MICAL1: variants seen among roughly 807,000 people sequenced by gnomAD.
MICAL1 encodes [F-actin]-monooxygenase MICAL1.
In MICAL1, 95 loss-of-function variants were observed where a neutral mutation model predicts 131.8. That is an observed-to-expected ratio of 0.72 (90% CI 0.61 to 0.86). The LOEUF (loss-of-function observed/expected upper bound fraction) is 0.86, where lower values mean the gene tolerates loss of function less well. MICAL1 is among the 40% of genes least tolerant of loss of function. The probability of loss-of-function intolerance (pLI) is 0.00; values close to 1 mark genes in which losing one functional copy is unlikely to be tolerated. For synonymous variants in MICAL1, 546 were observed against 554.2 expected (o/e 0.99, Z 0.21); for missense variants, 1,292 against 1,380.6 (o/e 0.94, Z 1.02).
At position 109,444,774 on chromosome 6, in the gene MICAL1, C is replaced by A. The variant is rs1775132492; in HGVS notation, c.3006G>T (p.Glu1002Asp). Residue 1002 changes from glutamate (E) to aspartate (D), a missense_variant, in exon 24 of 25, where the codon GAG becomes GAT. By Grantham distance (45) the Glu-to-Asp change is conservative. Transcript: ENST00000358807. ...MITVQELNLE[E>D]KQWQLDQELR... ...GCTCCTGGTCCAGCTGCCACTGTTT[C>A]TCCTCCAGATTCAATTCCTGCACCC... 1 of 1,614,044 alleles carries A rather than the reference C, an allele frequency of 6.2e-7. No individual in the cohort carries two copies. The highest frequency in any genetic ancestry group is 8.5e-7 in the Non-Finnish European group (1 of 1,180,040).
chr6:109,445,591 T>C, intron 20 of MICAL1, 62 bp from the exon 21 acceptor site: 5 of 1,592,416 alleles, frequency 3.1e-6, no homozygotes, highest in Non-Finnish European at 4.3e-6. Context: ...AGGAGTGTTG[T>C]TTGGAAAGGC....
chr6:109,451,458 G>T, intron 7 of MICAL1, 142 bp downstream of exon 7: 4 of 973,222 alleles, frequency 4.1e-6, no homozygotes, highest in South Asian at 1.7e-5. Flanking sequence ...CTGGCCAAGA[G>T]AACTTTTAGA....
chr6:109,446,365 A>G lies in MICAL1; in HGVS notation c.2352T>C (p.Thr784=). 6.2e-7 allele frequency: 1 copy of G among 1,612,488 alleles called. No homozygotes were observed. The change falls in exon 19 of 25, where the codon ACT becomes ACC. Residue 784 remains threonine, a synonymous_variant. Coordinates refer to ENST00000358807, the MANE Select transcript of MICAL1 (RefSeq NM_022765.4). ...SENSMPPGLS[T]PTASQEGAGP... is the part of the protein sequence containing the mutation. ...CGGCCCCCTCCTGCGAGGCTGTGGG[A>G]GTTGAGAGGCCTGGTGGCATGCTAT... is the stretch of plus-strand genomic sequence containing the variant.
In MICAL1 at chr6:109,444,284, C is replaced by G; in HGVS notation, c.3111G>C (p.Leu1037=). 2 of 1,613,586 alleles carry G rather than the reference C, an allele frequency of 1.2e-6. No homozygotes were observed. The highest frequency in any genetic ancestry group is 1.7e-6 in the Non-Finnish European group (2 of 1,180,020). The change falls in exon 25 of 25, where the codon CTG becomes CTC. Residue 1037 remains leucine (L), a synonymous_variant. Transcript: ENST00000358807. ...CATCTCTCTGGTTGACCAAATCCAC[C>G]AGCTTCCTCAGGACCTGGTCCTCAG... ...RQAEDQVLRK[L]VDLVNQRDAL...
chr6:109,445,637 G>T, intron 20 of MICAL1, 108 bp from the exon 21 acceptor site: 1 of 1,504,678 alleles, frequency 6.6e-7, no homozygotes, highest in Non-Finnish European at 9.1e-7. Context: ...GTAAGCTCTG[G>T]TAGAAAAGGT....
At position 109,451,556 on chromosome 6, in the gene MICAL1, C is replaced by G. The variant is rs112587986; in HGVS notation, c.933+44G>C. The G allele has an allele frequency of 1.2e-5, 19 of 1,609,404 alleles. No homozygotes were observed. The African/African-American group carries it at 1.2e-4, about 10-fold the overall frequency. Reference sequence around the variant, plus strand: ...ATGTCCAAGCCTAGCCTCTGCCTCCCGGGGCTCACCACCCAGCCTCTCCTG... The same window carrying G: ...ATGTCCAAGCCTAGCCTCTGCCTCCGGGGGCTCACCACCCAGCCTCTCCTG... On this transcript the variant is annotated intron_variant, in intron 7 of 24. Coordinates refer to ENST00000358807, the MANE Select transcript of MICAL1 (RefSeq NM_022765.4).
In MICAL1 at chr6:109,448,829, C is replaced by T; in HGVS notation, c.1567G>A (p.Ala523Thr). 1.2e-6 allele frequency: 2 copies of T among 1,614,056 alleles called. No individual in the cohort carries two copies. Among genetic ancestry groups the T allele is most frequent in the Middle Eastern group, 3.3e-4 (2 of 6,058 alleles). Residue 523 changes from alanine to threonine, a missense_variant, in exon 12 of 25, where the codon GCT (alanine) becomes ACT (threonine). Coordinates refer to ENST00000358807, the MANE Select transcript of MICAL1 (RefSeq NM_022765.4). ...ELLRWCQEQTAGYPGVHVSDL... is the reference protein window; with the variant it reads ...ELLRWCQEQTTGYPGVHVSDL... Reference sequence around the variant, plus strand: ...GAGACGTGGACTCCCGGGTACCCAGCTGTCTGCTCCTGGCACCAGCGTAGC... The same window carrying T: ...GAGACGTGGACTCCCGGGTACCCAGTTGTCTGCTCCTGGCACCAGCGTAGC...
At chr6:109,444,686 T>A in intron 24 of MICAL1, 39 bp downstream of exon 24, 1 of 1,608,328 alleles carries the variant, frequency 6.2e-7, no homozygotes, top group Non-Finnish European at 8.5e-7. Flanking sequence ...GCATGACACA[T>A]CCCTGGGATG....
At chr6:109,465,916 G>C (rs761490454) in exon 1 of MICAL1, 2 of 1,614,184 alleles carry the variant, frequency 1.2e-6, no homozygotes, top group African/African-American at 2.7e-5. Flanking sequence ...GGCGGACCAG[G>C]CTCCTGTGTC....
chr6:109,448,206 G>A lies in MICAL1; in HGVS notation c.1852C>T (p.Pro618Ser), dbSNP rs1468387172. 3 of 1,607,782 alleles carry A rather than the reference G, an allele frequency of 1.9e-6. No individual in the cohort carries two copies. In the African/African-American group the frequency reaches 4.1e-5, roughly 22 times the overall value. Residue 618 changes from proline (P) to serine (S), a missense_variant, in exon 13 of 25, where the codon CCA becomes TCA. Transcript: ENST00000358807. ...GCCCGCCTTTCCTTCAGGTCACCTG[G>A]GCTGTGGGCCATGCTCTTGAAGGCA... ...HSAFKSMAHS[P>S]GPVSQASPGT...
chr6:109,452,452 C>T (rs1775582844), intron 5 of MICAL1, 51 bp from the exon 6 acceptor site: 1 of 1,610,650 alleles, frequency 6.2e-7, no homozygotes, highest in African/African-American at 1.3e-5. Context: ...TTATAACAAT[C>T]TAGAAAGGCC....
At chr6:109,460,375 G>A (rs968352319), upstream of MICAL1, among the ~76,000 whole-genome samples, 1 of 147,982 alleles carries the variant, frequency 6.8e-6, no homozygotes, top group Admixed American at 6.8e-5. Flanking sequence ...GCTGTAGTGA[G>A]CCATGATCAT....
At position 109,447,340 on chromosome 6, in the gene MICAL1, C is replaced by T. The variant is rs1256308617; in HGVS notation, c.2070+17G>A. Reference sequence around the variant, plus strand: ...CCCTCCCCGGGCCTCTGCCTGCACACAAAGCCTGGCTCTCACCTCCTGGTG... The same window carrying T: ...CCCTCCCCGGGCCTCTGCCTGCACATAAAGCCTGGCTCTCACCTCCTGGTG... On this transcript the variant is annotated intron_variant, in intron 16 of 24. Transcript: ENST00000358807. 8.1e-6 allele frequency: 13 copies of T among 1,614,090 alleles called. No homozygotes were observed. The highest frequency in any genetic ancestry group is 1.1e-5 in the Non-Finnish European group (13 of 1,180,004).
In MICAL1 at chr6:109,449,708, GT is replaced by G. The variant is rs755420291; in HGVS notation, c.1382del (p.Asp461AlafsTer9). 6.3e-7 allele frequency: 1 copy of G among 1,595,702 alleles called. No homozygotes were observed. Among genetic ancestry groups the G allele is most frequent in the African/African-American group, 1.3e-5 (1 of 74,652 alleles). ...MHRNVAQYGL[D>X]PATRYPNLNL... is the part of the protein sequence containing the mutation. ...TCAGGTTGGGGTAGCGGGTGGCTGGGTCCAGCCCATACTGGGCCACATTGCG... is the reference window on the plus strand; with the variant it reads ...TCAGGTTGGGGTAGCGGGTGGCTGGGCCAGCCCATACTGGGCCACATTGCG... On this transcript the variant is annotated frameshift_variant, in exon 10 of 25. Coordinates refer to ENST00000358807, the MANE Select transcript of MICAL1 (RefSeq NM_022765.4). LOFTEE classifies it high-confidence loss of function.
intron 3 of MICAL1, 128 bp from the exon 4 acceptor site, chr6:109,453,495 T>C (rs1775621513): frequency 3.3e-6 from 5 of 1,498,934 alleles, no homozygotes; most frequent in Non-Finnish European, 4.5e-6. Flanking sequence ...AGCCCACTTA[T>C]AGATGGGGGA....
chr6:109,454,138 G>A lies in MICAL1; in HGVS notation c.59C>T (p.Ala20Val). Residue 20 changes from alanine to valine, a missense_variant, in exon 2 of 25, where the codon GCC becomes GTC. Ala to Val is a moderately conservative substitution (Grantham distance 64). Transcript: ENST00000358807. ...GCTCAGCACGTCCTGGCACAGCTGG[G>A]CCTGCAGGAAGCTCTCAAAGTGGGC... ...AHAHFESFLQ[A>V]QLCQDVLSSF... The A allele has an allele frequency of 6.2e-7, 1 of 1,613,042 alleles. No individual in the cohort carries two copies. The highest frequency in any genetic ancestry group is 8.5e-7 in the Non-Finnish European group (1 of 1,179,716).
chr6:109,444,624 A>G (rs1775124035), intron 24 of MICAL1, 101 bp downstream of exon 24: 3 of 1,392,400 alleles, frequency 2.2e-6, no homozygotes, highest in Non-Finnish European at 3.1e-6. Context: ...TCTCAGAGGT[A>G]CACAGACTAG....
chr6:109,445,058 A>G (rs1250911159), intron 22 of MICAL1, 63 bp from the exon 23 acceptor site: 1 of 1,590,318 alleles, frequency 6.3e-7, no homozygotes. Flanking sequence ...CAGGAGTTAC[A>G]GGCTTAGGGG....
At chr6:109,452,070 C>T (rs774404609) in intron 6 of MICAL1, 176 bp downstream of exon 6, 46 of 1,423,588 alleles carry the variant, frequency 3.2e-5, no homozygotes, top group Non-Finnish European at 4.0e-5. Context: ...GGGTGATCAA[C>T]TAGGGCTGTG....
Sources: allele counts gnomAD v4.1 joint callset (sites outside exome capture counted in the v4.1 genomes callset), GRCh38; gene constraint gnomAD v4.1.1; transcripts MANE v1.5; gene names NCBI Gene and HGNC (gene_info 2026-07-23, HGNC 2026-07-21).